Variants in C5orf34 observed in about 807,000 individuals in gnomAD.
C5orf34 encodes the protein uncharacterized protein C5orf34.
In C5orf34, 73 loss-of-function variants were observed where a neutral mutation model predicts 78.4. The ratio of observed to expected loss-of-function variants is 0.93; its 90% CI spans 0.77 to 1.13. The LOEUF is 1.13. Among genes scored for constraint, C5orf34 ranks in the 50% most tolerant of loss-of-function variants. The probability of loss-of-function intolerance (pLI) is 0.00; values close to 1 mark genes in which losing one functional copy is unlikely to be tolerated. For missense variants in C5orf34, 730 were observed against 732.7 expected (o/e 1.00, Z 0.04); for synonymous variants, 251 against 246.6 (o/e 1.02, Z -0.17).
At chr5:43,496,418 T>C (rs1745524359) in intron 6 of C5orf34, 1 of 1,594,778 alleles carries the variant, frequency 6.3e-7, no homozygotes, top group Non-Finnish European at 8.5e-7. Flanking sequence ...ACGTGTCCAA[T>C]GACGACAATG....
At chr5:43,500,435 T>C (rs1745709622) in intron 6 of C5orf34, among the ~76,000 whole-genome samples, 1 of 152,170 alleles carries the variant, frequency 6.6e-6, no homozygotes, top group Non-Finnish European at 1.5e-5. Context: ...TTGCTCTGTC[T>C]CCTAGACTGG....
chr5:43,503,547 T>C, intron 5 of C5orf34, 118 bp downstream of exon 5: 2 of 763,616 alleles, frequency 2.6e-6, no homozygotes, highest in South Asian at 1.4e-5. Context: ...AGGAGCACAG[T>C]TGGCCCAACA....
At chr5:43,496,582 ATT>A (rs70994702) in intron 6 of C5orf34, 15,161 of 420,448 alleles carry the variant, frequency 0.036, 1 homozygote, top group Middle Eastern at 0.069. Context: ...GTTTTTTTTA[ATT>A]TTTTTTTTTT....
chr5:43,496,531 C>A, intron 6 of C5orf34: 1 of 1,248,918 alleles, frequency 8.0e-7, no homozygotes. Context: ...AGCCATTTTC[C>A]CATTTTTTAA....
At chr5:43,490,805 A>C in intron 10 of C5orf34, 76 bp from the exon 11 acceptor site, 1 of 723,964 alleles carries the variant, frequency 1.4e-6, no homozygotes. Context: ...AAATGTAAAA[A>C]TAAGACAATT....
intron 7 of C5orf34, among the ~76,000 whole-genome samples, chr5:43,494,205 G>A (rs1489685574): frequency 6.6e-6 from 1 of 152,136 alleles, no homozygotes; most frequent in Non-Finnish European, 1.5e-5. Flanking sequence ...TCTCCAACTT[G>A]ATTTCAAGGA....
rs1220601786 is a variant in C5orf34, at chr5:43,495,246, C to A, written c.1153-645G>T. 13 of 1,607,578 alleles carry A rather than the reference C, an allele frequency of 8.1e-6. No homozygotes were observed. In the African/African-American group the frequency reaches 1.5e-4, roughly 18 times the overall value. On this transcript the variant is annotated intron_variant, in intron 6 of 12. Transcript: ENST00000306862. ...CTCTCAACAATGGGCTTGCCAGGAACCATATCAACAATGGCAGCATCACCA... is the reference window on the plus strand; with the variant it reads ...CTCTCAACAATGGGCTTGCCAGGAAACATATCAACAATGGCAGCATCACCA...
chr5:43,510,627 G>C (rs1182799155), intron 1 of C5orf34, among the ~76,000 whole-genome samples: 4 of 152,210 alleles, frequency 2.6e-5, no homozygotes, highest in Non-Finnish European at 5.9e-5. Context: ...TTTTTTGGTG[G>C]AGACGGGGTT....
At chr5:43,497,216 C>G (rs905264434) in intron 6 of C5orf34, among the ~76,000 whole-genome samples, 10 of 152,162 alleles carry the variant, frequency 6.6e-5, no homozygotes, top group Non-Finnish European at 1.5e-4. Flanking sequence ...CTGTCTCCAG[C>G]CTTCTCTTCT....
rs1275466054 is a variant in C5orf34, at chr5:43,503,756, T to G, written c.937A>C (p.Asn313His). ...SCPVPHLHRW[N>H]FCDSLLQRQS... ...CTCTGTAAAAGTGAATCACAAAAAT[T>G]CCACCTGTGAAGGATAAAATACAAG... Residue 313 changes from asparagine to histidine, a missense_variant, in exon 5 of 13, where the codon AAT (asparagine) becomes CAT (histidine). Physicochemically the swap from Asn to His is moderately conservative, Grantham distance 68. Transcript: ENST00000306862. 9 of 1,606,118 alleles carry G rather than the reference T, an allele frequency of 5.6e-6. No individual in the cohort carries two copies. The highest frequency in any genetic ancestry group is 1.3e-5 in the African/African-American group (1 of 74,750).
intron 1 of C5orf34, among the ~76,000 whole-genome samples, chr5:43,510,076 T>C (rs1293884595): frequency 6.6e-6 from 1 of 152,186 alleles, no homozygotes. Flanking sequence ...TTTCTATAAA[T>C]TATATGCTCA....
At position 43,505,933 on chromosome 5, in the gene C5orf34, C is replaced by T. The variant is rs1745964820; in HGVS notation, c.747G>A (p.Glu249=). Residue 249 remains glutamate (E), a synonymous_variant, in exon 4 of 13, where the codon GAG becomes GAA. Transcript: ENST00000306862. ...CTAAAGACAAAGGATATTTCCATTC[C>T]TCTGGACAGGCAGCCACAGACCAGC... is the stretch of plus-strand genomic sequence containing the variant. The part of the protein sequence containing the change: ...KQCWSVAACP[E]EWKYPLSLAL... 1 of 1,613,984 alleles carries T rather than the reference C, an allele frequency of 6.2e-7. No individual in the cohort carries two copies. The highest frequency in any genetic ancestry group is 1.7e-5 in the Admixed American group (1 of 60,006).
intron 1 of C5orf34, among the ~76,000 whole-genome samples, chr5:43,509,833 G>A (rs1015289983): frequency 3.3e-5 from 5 of 151,642 alleles, no homozygotes; most frequent in Non-Finnish European, 7.4e-5. Flanking sequence ...TCGGCTCACT[G>A]TAACCTCTGC....
rs909225930 is a variant in C5orf34, at chr5:43,494,431, TCTTATC to T, written c.1244+73_1244+78del. On this transcript the variant is annotated intron_variant, in intron 7 of 12. Coordinates refer to ENST00000306862, the MANE Select transcript of C5orf34 (RefSeq NM_198566.4). ...TTCCATTGTACCTGCCAATTCTTAA[TCTTATC>T]CTTAATCACAAGAAAATGTGCCAAG... The T allele has an allele frequency of 3.1e-5, 29 of 938,638 alleles. No homozygotes were observed. The African/African-American group carries it at 3.5e-4, about 11-fold the overall frequency. 58.1% of individuals were successfully genotyped at this position (938,638 alleles called of 1,614,324 possible). A position where few individuals can be genotyped will look rare whatever the true frequency, so the allele number is the denominator to read the frequency against.
At chr5:43,514,627 C>T (rs1746406003) in intron 1 of C5orf34, among the ~76,000 whole-genome samples, 179 bp downstream of exon 1, 1 of 152,220 alleles carries the variant, frequency 6.6e-6, no homozygotes, top group South Asian at 2.1e-4. Context: ...CTCATCTCTA[C>T]AGTCTCATTC....
At chr5:43,495,224 T>A (rs370042279) in intron 6 of C5orf34, 4 of 1,609,812 alleles carry the variant, frequency 2.5e-6, no homozygotes, top group Admixed American at 1.7e-5. Context: ...TGAGAAGCTC[T>A]CAACAATGGG....
intron 6 of C5orf34, among the ~76,000 whole-genome samples, chr5:43,498,619 T>C (rs1328767267): frequency 1.3e-5 from 2 of 152,212 alleles, no homozygotes; most frequent in Non-Finnish European, 2.9e-5. Context: ...CAGCAATCAA[T>C]TCTGTCTCCT....
At position 43,506,074 on chromosome 5, in the gene C5orf34, G is replaced by C. The variant is rs1447889471; in HGVS notation, c.606C>G (p.Ile202Met). Residue 202 changes from isoleucine (I) to methionine (M), a missense_variant, in exon 4 of 13, where the codon ATC becomes ATG. Physicochemically the swap from Ile to Met is conservative, Grantham distance 10 (BLOSUM62 1). Coordinates refer to ENST00000306862, the MANE Select transcript of C5orf34 (RefSeq NM_198566.4). ...KNKENEFHCQ[I>M]MKSKETLKKM... The stretch of plus-strand genomic sequence containing the variant: ...TCTTTAAAGTTTCTTTGGATTTCAT[G>C]ATCTGGCAATGAAACTCATTTTCTT... 6.2e-7 allele frequency: 1 copy of C among 1,613,938 alleles called. No individual in the cohort carries two copies. Among genetic ancestry groups the C allele is most frequent in the African/African-American group, 1.3e-5 (1 of 74,890 alleles).
In C5orf34 at chr5:43,509,249, C is replaced by T. The variant is rs907715964; in HGVS notation, c.91G>A (p.Gly31Ser). 1.2e-6 allele frequency: 2 copies of T among 1,613,948 alleles called. No individual in the cohort carries two copies. The highest frequency in any genetic ancestry group is 2.2e-5 in the East Asian group (1 of 44,904). The change falls in exon 2 of 13, where the codon GGC (glycine) becomes AGC (serine). Residue 31 changes from glycine to serine, a missense_variant. Transcript: ENST00000306862. ...GACTTTTCAAATAAAAATTCAGAGC[C>T]ACAGGGAGAAAGTTGCAATGTGGAA... The part of the protein sequence containing the change: ...DGSTLQLSPC[G>S]SEFLFEKSPP...
Sources: gnomAD v4.1 joint callset for allele counts (sites outside exome capture counted in the v4.1 genomes callset) on GRCh38, gnomAD v4.1.1 for gene constraint, MANE v1.5 for transcripts, NCBI Gene and HGNC (gene_info 2026-07-23, HGNC 2026-07-21) for gene names.